The following ARHGAP26 variants were observed in gnomAD, a reference collection of about 807,000 sequenced individuals.
ARHGAP26 encodes rho GTPase-activating protein 26.
A neutral mutation model predicts 104.8 loss-of-function variants in ARHGAP26; 38 were observed. The ratio of observed to expected loss-of-function variants is 0.36; its 90% CI spans 0.28 to 0.48. The LOEUF (loss-of-function observed/expected upper bound fraction) is 0.48. Ranked by LOEUF, ARHGAP26 falls within the 20% of genes least tolerant of loss-of-function variation. ARHGAP26 has a pLI of 0.99. For synonymous variants in ARHGAP26, 341 were observed against 340.0 expected (o/e 1.00, Z -0.03); for missense variants, 704 against 947.9 (o/e 0.74, Z 3.38).
At chr5:142,902,060 G>T (rs781338090) in intron 7 of ARHGAP26, 21 bp downstream of exon 7, 5 of 1,601,778 alleles carry the variant, frequency 3.1e-6, no homozygotes, top group Non-Finnish European at 4.3e-6. Flanking sequence ...ATAGGGACAG[G>T]CTTCTTTTAT....
At position 143,227,210 on chromosome 5, in the gene ARHGAP26, G is replaced by A. The variant is rs1562651780; in HGVS notation, c.*4764G>A. On this transcript the variant is annotated 3_prime_UTR_variant, in exon 23 of 23. Transcript: ENST00000645722. ...CCCAGAGTTTGCCCAAGTACTGAAT[G>A]TTTTGTGAGCAACCATGTTCCCCAA... 2 of 229,740 alleles carry A rather than the reference G, an allele frequency of 8.7e-6. No homozygotes were observed. The highest frequency in any genetic ancestry group is 1.7e-5 in the Non-Finnish European group (2 of 116,016). The allele number at this position is 229,740 out of a possible 1,614,324, so 14.2% of individuals were successfully genotyped here. A position where few individuals can be genotyped will look rare whatever the true frequency, so the allele number is the denominator to read the frequency against.
intron 18 of ARHGAP26, among the ~76,000 whole-genome samples, chr5:143,127,136 TC>T (rs954021155): frequency 6.6e-6 from 1 of 152,196 alleles, no homozygotes; most frequent in Admixed American, 6.5e-5. Flanking sequence ...GACAACCATA[TC>T]AAGAAAACAA....
chr5:143,038,684 C>CTTTTTT (rs60428049), intron 13 of ARHGAP26, among the ~76,000 whole-genome samples: 9 of 64,384 alleles, frequency 1.4e-4, no homozygotes, highest in South Asian at 9.5e-4. Context: ...GACATACGGC[C>CTTTTTT]TTTTTTTTTT....
Position 142,851,733 on chromosome 5 carries a change from G to A in ARHGAP26, c.155-21667G>A, listed in dbSNP as rs1042775027. Among the ~76,000 whole-genome samples, 7 of 152,228 alleles carry A rather than the reference G, an allele frequency of 4.6e-5. No homozygotes were observed. The South Asian group carries it at 1.0e-3, about 23-fold the overall frequency. Reference sequence around the variant, plus strand: ...TCACCACCCCTGCCCTTTCTCCCACGTGCTGGCCTTTAGTTGCTGTGTTTT... The same window carrying A: ...TCACCACCCCTGCCCTTTCTCCCACATGCTGGCCTTTAGTTGCTGTGTTTT... On this transcript the variant is annotated intron_variant, in intron 1 of 22. Coordinates refer to ENST00000645722, the MANE Select transcript of ARHGAP26 (RefSeq NM_001135608.3).
intron 1 of ARHGAP26, among the ~76,000 whole-genome samples, chr5:142,864,020 C>G (rs1320794901): frequency 6.6e-6 from 1 of 152,044 alleles, no homozygotes; most frequent in Non-Finnish European, 1.5e-5. Flanking sequence ...ACCTCTATCT[C>G]CCTCTATCTC....
chr5:142,955,126 C>CACACACACACACACACA (rs561605232), intron 11 of ARHGAP26, among the ~76,000 whole-genome samples: 30 of 148,622 alleles, frequency 2.0e-4, no homozygotes, highest in African/African-American at 5.7e-4. Flanking sequence ...ACACACACAC[C>CACACACACACACACACA]CCCCATCTCT....
chr5:142,917,100 C>A (rs529228352), intron 10 of ARHGAP26, among the ~76,000 whole-genome samples: 1 of 150,614 alleles, frequency 6.6e-6, no homozygotes, highest in Non-Finnish European at 1.5e-5. Context: ...AGTGCAGTGG[C>A]ACGATCTCAG....
At chr5:143,122,901 G>A (rs999730609) in intron 18 of ARHGAP26, among the ~76,000 whole-genome samples, 6 of 152,148 alleles carry the variant, frequency 3.9e-5, no homozygotes, top group Non-Finnish European at 8.8e-5. Context: ...CAAACCAGTG[G>A]CCTCCTATCA....
chr5:143,065,931 A>G (rs1004618207), intron 17 of ARHGAP26, among the ~76,000 whole-genome samples: 6 of 152,314 alleles, frequency 3.9e-5, no homozygotes, highest in East Asian at 1.9e-4. Flanking sequence ...AGATTGAGCA[A>G]TTGTGTTAGT....
intron 20 of ARHGAP26, among the ~76,000 whole-genome samples, chr5:143,181,972 C>A (rs1187332068): frequency 6.6e-6 from 1 of 152,190 alleles, no homozygotes; most frequent in Non-Finnish European, 1.5e-5. Context: ...GGCTGCCTCC[C>A]TGGCTTGTAC....
rs1032438817 is a variant in ARHGAP26, at chr5:142,951,307, G to A, written c.1107+19182G>A. Reference sequence around the variant, plus strand: ...ACTTCTGACCTCAAGTGATCCGCCCGCCTCGACCTCCCAAAGTGCTGGGAT... The same window carrying A: ...ACTTCTGACCTCAAGTGATCCGCCCACCTCGACCTCCCAAAGTGCTGGGAT... On this transcript the variant is annotated intron_variant, in intron 11 of 22. Coordinates refer to ENST00000645722, the MANE Select transcript of ARHGAP26 (RefSeq NM_001135608.3). Among the ~76,000 whole-genome samples the A allele has an allele frequency of 5.2e-4, 79 of 152,268 alleles. No individual in the cohort carries two copies. The Middle Eastern group carries it at 0.014, about 26-fold the overall frequency.
At chr5:142,779,034 T>C (rs17099475) in intron 1 of ARHGAP26, among the ~76,000 whole-genome samples, 43,984 of 151,940 alleles carry the variant, frequency 0.29, 12,213 homozygotes, top group African/African-American at 0.73. Flanking sequence ...CTGGAACTGC[T>C]TGATATGCTT....
intron 5 of ARHGAP26, among the ~76,000 whole-genome samples, chr5:142,886,971 G>GGTATAAATTA (rs1339574219): frequency 2.0e-5 from 3 of 152,214 alleles, no homozygotes; most frequent in Non-Finnish European, 2.9e-5. Context: ...CAGCTCTCCA[G>GGTATAAATTA]TTTCTAAGCA....
At chr5:143,123,905 G>A (rs915512486) in intron 18 of ARHGAP26, among the ~76,000 whole-genome samples, 2 of 152,032 alleles carry the variant, frequency 1.3e-5, no homozygotes, top group Non-Finnish European at 2.9e-5. Flanking sequence ...AGTATTTAAG[G>A]TCTTAGTTAA....
intron 6 of ARHGAP26, among the ~76,000 whole-genome samples, chr5:142,898,233 T>C (rs1759767615): frequency 1.3e-5 from 2 of 152,080 alleles, no homozygotes; most frequent in African/African-American, 4.8e-5. Context: ...CGTATGTGCA[T>C]ATATATATGT....
intron 17 of ARHGAP26, among the ~76,000 whole-genome samples, chr5:143,066,668 G>T (rs1434857901): frequency 6.6e-6 from 1 of 152,210 alleles, no homozygotes; most frequent in Admixed American, 6.5e-5. Context: ...TTATTGGCAA[G>T]CAAAACCCTG....
intron 17 of ARHGAP26, among the ~76,000 whole-genome samples, chr5:143,071,662 C>G (rs1788263767): frequency 6.6e-6 from 1 of 152,188 alleles, no homozygotes; most frequent in South Asian, 2.1e-4. Context: ...AATCCCAGCA[C>G]TTTGGGAGGC....
chr5:142,799,438 C>T (rs958873812), intron 1 of ARHGAP26, among the ~76,000 whole-genome samples: 1 of 152,166 alleles, frequency 6.6e-6, no homozygotes, highest in African/African-American at 2.4e-5. Context: ...GAAGTTTACC[C>T]TCCATCTTTC....
chr5:142,826,055 T>A (rs1767195846), intron 1 of ARHGAP26, among the ~76,000 whole-genome samples: 1 of 152,214 alleles, frequency 6.6e-6, no homozygotes, highest in Non-Finnish European at 1.5e-5. Flanking sequence ...ACTCTGTGCT[T>A]CATTGATAGA....
Sources: allele counts gnomAD v4.1 joint callset (sites outside exome capture counted in the v4.1 genomes callset), GRCh38; gene constraint gnomAD v4.1.1; transcripts MANE v1.5; gene names NCBI Gene and HGNC (gene_info 2026-07-23, HGNC 2026-07-21).